CTNND2: variants seen among roughly 807,000 people sequenced by gnomAD.
CTNND2 encodes the protein catenin delta-2.
A neutral mutation model predicts 144.4 loss-of-function variants in CTNND2; 22 were observed. That is an observed-to-expected ratio of 0.15 (90% CI 0.11 to 0.22). The LOEUF is 0.22. Among genes scored for constraint, CTNND2 ranks in the 10% least tolerant of loss-of-function variants. The pLI, the probability that CTNND2 is intolerant of heterozygous loss-of-function variation, is 1.00. For synonymous variants in CTNND2, 751 were observed against 695.6 expected, an observed-to-expected ratio of 1.08 and a Z score of -1.25; for missense variants, 1,353 against 1,618.8, an observed-to-expected ratio of 0.84 and a Z score of 2.82.
chr5:11,872,098 G>C (rs1582040346), intron 1 of CTNND2, among the ~76,000 whole-genome samples: 1 of 150,602 alleles, frequency 6.6e-6, no homozygotes, highest in Non-Finnish European at 1.5e-5. Context: ...GTGTTCTCAT[G>C]GTTCAACTCC....
intron 12 of CTNND2, among the ~76,000 whole-genome samples, chr5:11,147,382 T>C (rs6881290): frequency 0.54 from 81,730 of 151,850 alleles, 22,250 homozygotes; most frequent in Admixed American, 0.59. Context: ...CCTCCAGGTG[T>C]TGGTAGTCAC....
intron 9 of CTNND2, among the ~76,000 whole-genome samples, chr5:11,327,090 G>A (rs569393005): frequency 1.3e-5 from 2 of 152,152 alleles, no homozygotes; most frequent in Non-Finnish European, 2.9e-5. Flanking sequence ...CAGGGTCCAC[G>A]TTGAGGCATC....
chr5:11,787,320 C>T (rs190869320), intron 1 of CTNND2, among the ~76,000 whole-genome samples: 3 of 152,210 alleles, frequency 2.0e-5, no homozygotes, highest in Admixed American at 6.5e-5. Flanking sequence ...GTTAACAACT[C>T]GGCAAGATTT....
intron 1 of CTNND2, among the ~76,000 whole-genome samples, chr5:11,735,547 C>T (rs1397129718): frequency 6.6e-6 from 1 of 152,130 alleles, no homozygotes; most frequent in Non-Finnish European, 1.5e-5. Flanking sequence ...TGGCTATGTC[C>T]CCCGACAAAT....
At chr5:11,278,642 G>T (rs1264180152) in intron 9 of CTNND2, among the ~76,000 whole-genome samples, 6 of 152,178 alleles carry the variant, frequency 3.9e-5, no homozygotes, top group African/African-American at 1.4e-4. Flanking sequence ...GCTTGAAGAT[G>T]GTGGCCACTT....
chr5:11,466,663 T>C (rs1004772755), intron 3 of CTNND2, among the ~76,000 whole-genome samples: 3 of 152,112 alleles, frequency 2.0e-5, no homozygotes, highest in East Asian at 1.9e-4. Context: ...AAAATGACAA[T>C]TAAAAAATTA....
At chr5:11,784,365 A>G (rs572501187) in intron 1 of CTNND2, among the ~76,000 whole-genome samples, 2 of 152,338 alleles carry the variant, frequency 1.3e-5, no homozygotes, top group African/African-American at 4.8e-5. Context: ...CATATTCATG[A>G]CTCAAAGAAT....
Position 11,470,980 on chromosome 5 carries a change from ATT to A in CTNND2, c.288-58913_288-58912del, listed in dbSNP as rs1171276873. Among the ~76,000 whole-genome samples, 365 of 91,450 alleles carry A rather than the reference ATT, an allele frequency of 4.0e-3. 3 individuals carry two copies. Among genetic ancestry groups the A allele is most frequent in the Admixed American group, 0.011 (98 of 8,652 alleles). The allele number at this position is 91,450 out of a possible 152,430, so 60.0% of individuals were successfully genotyped here. On this transcript the variant is annotated intron_variant, in intron 3 of 21. Coordinates refer to ENST00000304623, the MANE Select transcript of CTNND2 (RefSeq NM_001332.4). ...TATATATATATATATATATATATATATTTTTTTTTTTTTTTTAGATGGAGTCT... is the reference window on the plus strand; with the variant it reads ...TATATATATATATATATATATATATATTTTTTTTTTTTTTAGATGGAGTCT...
chr5:11,207,974 T>C (rs2149840793), intron 10 of CTNND2, among the ~76,000 whole-genome samples: 1 of 152,178 alleles, frequency 6.6e-6, no homozygotes, highest in East Asian at 1.9e-4. Context: ...TGGAATTAAT[T>C]AGAAAATTCA....
intron 8 of CTNND2, among the ~76,000 whole-genome samples, chr5:11,354,604 G>A (rs1010757637): frequency 6.6e-6 from 1 of 152,014 alleles, no homozygotes; most frequent in African/African-American, 2.4e-5. Flanking sequence ...ATAAATTTTA[G>A]AATAAAGAAA....
chr5:11,611,478 T>C (rs1780319036), intron 2 of CTNND2, among the ~76,000 whole-genome samples: 1 of 152,194 alleles, frequency 6.6e-6, no homozygotes. Flanking sequence ...CAGGATGCAA[T>C]GACAAAGGTT....
intron 9 of CTNND2, among the ~76,000 whole-genome samples, chr5:11,246,845 G>A (rs1185865617): frequency 6.6e-6 from 1 of 152,104 alleles, no homozygotes; most frequent in African/African-American, 2.4e-5. Flanking sequence ...ACAAGCCTCT[G>A]AGGCAGGAGT....
At chr5:11,162,515 C>T (rs955649156) in intron 11 of CTNND2, among the ~76,000 whole-genome samples, 1 of 152,144 alleles carries the variant, frequency 6.6e-6, no homozygotes, top group African/African-American at 2.4e-5. Flanking sequence ...TCTCCATCTG[C>T]GAGTCACATT....
chr5:11,450,476 G>C (rs944249668), intron 3 of CTNND2, among the ~76,000 whole-genome samples: 1 of 152,184 alleles, frequency 6.6e-6, no homozygotes, highest in Non-Finnish European at 1.5e-5. Context: ...CTTAGGACAG[G>C]GGAAGTGAGG....
intron 2 of CTNND2, among the ~76,000 whole-genome samples, chr5:11,694,601 T>C (rs1785061475): frequency 6.6e-6 from 1 of 152,238 alleles, no homozygotes; most frequent in Non-Finnish European, 1.5e-5. Context: ...GGCACATGAC[T>C]GTGAATACCC....
intron 11 of CTNND2, among the ~76,000 whole-genome samples, chr5:11,191,720 C>T (rs1007204126): frequency 1.3e-5 from 2 of 152,198 alleles, no homozygotes; most frequent in Non-Finnish European, 2.9e-5. Flanking sequence ...CACCACATCC[C>T]CTCTTTCCAC....
At chr5:11,615,742 T>C (rs974495421) in intron 2 of CTNND2, among the ~76,000 whole-genome samples, 3 of 152,188 alleles carry the variant, frequency 2.0e-5, no homozygotes, top group African/African-American at 7.2e-5. Context: ...ATGTACCCCA[T>C]GACACAAGAG....
chr5:11,887,095 T>C (rs1194539996), intron 1 of CTNND2, among the ~76,000 whole-genome samples: 2 of 150,638 alleles, frequency 1.3e-5, no homozygotes, highest in East Asian at 2.0e-4. Context: ...TCCATTCTTC[T>C]GCCTCAGCCT....
At chr5:11,297,103 A>G (rs2150026143) in intron 9 of CTNND2, among the ~76,000 whole-genome samples, 1 of 152,358 alleles carries the variant, frequency 6.6e-6, no homozygotes, top group African/African-American at 2.4e-5. Flanking sequence ...AAGATCTGCA[A>G]GAAAGTCAGC....
Sources: gnomAD v4.1 joint callset for allele counts (sites outside exome capture counted in the v4.1 genomes callset) on GRCh38, gnomAD v4.1.1 for gene constraint, MANE v1.5 for transcripts, NCBI Gene and HGNC (gene_info 2026-07-23, HGNC 2026-07-21) for gene names.